GAS7: variants seen among roughly 807,000 people sequenced by gnomAD.
The protein encoded by GAS7 is growth arrest specific 7.
In GAS7, 28 loss-of-function variants were observed where a neutral mutation model predicts 71.1. The ratio of observed to expected loss-of-function variants is 0.39; its 90% confidence interval spans 0.29 to 0.54. The LOEUF (loss-of-function observed/expected upper bound fraction) is 0.54. Among genes scored for constraint, GAS7 ranks in the 20% least tolerant of loss-of-function variants. The pLI, the probability that GAS7 is intolerant of heterozygous loss-of-function variation, is 0.62. For synonymous variants in GAS7, 258 were observed against 245.8 expected (o/e 1.05, Z -0.46); for missense variants, 436 against 627.8 (o/e 0.69, Z 3.27).
chr17:9,998,945 G>A (rs1364872786), intron 2 of GAS7, among the ~76,000 whole-genome samples: 1 of 152,146 alleles, frequency 6.6e-6, no homozygotes, highest in Non-Finnish European at 1.5e-5. Flanking sequence ...GCAAACACAG[G>A]CCCAGAGGCC....
chr17:10,005,011 C>A (rs550662653), intron 2 of GAS7, among the ~76,000 whole-genome samples: 102 of 138,526 alleles, frequency 7.4e-4, no homozygotes, highest in Admixed American at 1.5e-3. Context: ...CTTCATCTCT[C>A]TCTCTCGCTC....
At chr17:10,172,400 A>G (rs978286214) in intron 1 of GAS7, among the ~76,000 whole-genome samples, 1 of 152,242 alleles carries the variant, frequency 6.6e-6, no homozygotes, top group Non-Finnish European at 1.5e-5. Context: ...AGCACTGTGC[A>G]TAACACTCTG....
At chr17:9,971,104 G>A (rs761890570) in intron 3 of GAS7, among the ~76,000 whole-genome samples, 1 of 152,152 alleles carries the variant, frequency 6.6e-6, no homozygotes, top group African/African-American at 2.4e-5. Context: ...TTAAAAAAGG[G>A]AAGGATGAAA....
intron 1 of GAS7, among the ~76,000 whole-genome samples, chr17:10,192,053 A>G (rs938885232): frequency 2.6e-5 from 4 of 152,144 alleles, no homozygotes; most frequent in African/African-American, 9.7e-5. Context: ...AGAAAACGTG[A>G]AGAAAGGAGG....
intron 1 of GAS7, among the ~76,000 whole-genome samples, chr17:10,151,127 C>G (rs2074162770): frequency 6.6e-6 from 1 of 152,172 alleles, no homozygotes; most frequent in Admixed American, 6.5e-5. Flanking sequence ...CTGGACCTGA[C>G]TTAAAAGCAT....
intron 8 of GAS7, among the ~76,000 whole-genome samples, chr17:9,936,737 C>A (rs113559792): frequency 6.6e-6 from 1 of 152,198 alleles, no homozygotes; most frequent in African/African-American, 2.4e-5. Context: ...TGAGGTGCAT[C>A]TCTGTTCCAA....
chr17:10,065,249 C>G lies in GAS7; in HGVS notation c.184-45352G>C, dbSNP rs138875793. On this transcript the variant is annotated intron_variant, in intron 1 of 13. Coordinates refer to ENST00000432992, the MANE Select transcript of GAS7 (RefSeq NM_201433.2). ...TTAGAGATTTGGTTCCTTTCTTGAGCCTGCACTTGTGGGTAAGCTTCTCTT... is the reference window on the plus strand; with the variant it reads ...TTAGAGATTTGGTTCCTTTCTTGAGGCTGCACTTGTGGGTAAGCTTCTCTT... Among the ~76,000 whole-genome samples the G allele has an allele frequency of 1.1e-4, 16 of 152,330 alleles. 1 individual carries two copies. The highest frequency in any genetic ancestry group is 3.6e-4 in the African/African-American group (15 of 41,570).
intron 1 of GAS7, among the ~76,000 whole-genome samples, chr17:10,121,551 T>C (rs539209840): frequency 1.3e-5 from 2 of 152,220 alleles, no homozygotes; most frequent in South Asian, 2.1e-4. Flanking sequence ...TACAGGTCTA[T>C]TGTGAGGATT....
chr17:10,112,627 C>T (rs1231256594), intron 1 of GAS7, among the ~76,000 whole-genome samples: 1 of 151,938 alleles, frequency 6.6e-6, no homozygotes, highest in Non-Finnish European at 1.5e-5. Context: ...CCCAGCTACT[C>T]AGGAGGCTGA....
chr17:9,919,413 T>C lies in GAS7; in HGVS notation c.1218+213A>G, dbSNP rs2067712112. 3.3e-5 allele frequency among the ~76,000 whole-genome samples: 5 copies of C among 152,102 alleles called. No individual in the cohort carries two copies. Among genetic ancestry groups the C allele is most frequent in the Admixed American group, 3.3e-4 (5 of 15,268 alleles). ...GATGTAGCCATATCCAACCCAACCC[T>C]GCCCACATCCACACAGCTAGGAAGC... On this transcript the variant is annotated intron_variant, in intron 12 of 13. Transcript: ENST00000432992. This position sits in a 1 kb window ranked among gnomAD's most constrained non-coding sequence, Gnocchi z 5.0.
rs77078144 is a variant in GAS7, at chr17:10,087,078, C to G, written c.184-67181G>C. 4.5e-4 allele frequency among the ~76,000 whole-genome samples: 68 copies of G among 152,292 alleles called. 1 individual carries two copies. The East Asian group carries it at 8.5e-3, about 19-fold the overall frequency. ...CAGGGTCTGTGAAAACATGTGGTTCCCACTTAATTCCTTGGAAGGTGGTAA... is the reference window on the plus strand; with the variant it reads ...CAGGGTCTGTGAAAACATGTGGTTCGCACTTAATTCCTTGGAAGGTGGTAA... On this transcript the variant is annotated intron_variant, in intron 1 of 13. Transcript: ENST00000432992.
intron 2 of GAS7, among the ~76,000 whole-genome samples, chr17:10,000,087 G>C (rs1450046495): frequency 6.6e-6 from 1 of 152,204 alleles, no homozygotes; most frequent in Non-Finnish European, 1.5e-5. Context: ...CTGTTTCATA[G>C]ACTTGGTCTG....
At chr17:9,943,260 G>T in intron 6 of GAS7, 24 bp from the exon 7 acceptor site, 2 of 1,341,776 alleles carry the variant, frequency 1.5e-6, no homozygotes, top group Non-Finnish European at 2.1e-6. Context: ...AGAAGCACAA[G>T]AGTTTAGGGC....
At chr17:9,983,677 C>T (rs1274973350) in intron 2 of GAS7, among the ~76,000 whole-genome samples, 1 of 151,936 alleles carries the variant, frequency 6.6e-6, no homozygotes, top group East Asian at 1.9e-4. Context: ...AATCCAGCTA[C>T]TCAGGAGGCT....
intron 1 of GAS7, among the ~76,000 whole-genome samples, chr17:10,161,690 C>T (rs2074257102): frequency 6.6e-6 from 1 of 152,148 alleles, no homozygotes; most frequent in Admixed American, 6.6e-5. Context: ...TCAAATATGC[C>T]CTCCAGCCCA....
intron 1 of GAS7, among the ~76,000 whole-genome samples, chr17:10,085,482 G>A (rs2073507419): frequency 6.6e-6 from 1 of 152,074 alleles, no homozygotes; most frequent in Non-Finnish European, 1.5e-5. Flanking sequence ...AGGAGACTGA[G>A]ACCATCCTGG....
intron 1 of GAS7, among the ~76,000 whole-genome samples, chr17:10,053,173 T>C (rs1268954359): frequency 6.6e-6 from 1 of 152,136 alleles, no homozygotes; most frequent in African/African-American, 2.4e-5. Context: ...AGGAGGAGTC[T>C]GGGCTACTTA....
At chr17:10,192,136 C>T (rs7225158) in intron 1 of GAS7, among the ~76,000 whole-genome samples, 38,134 of 152,096 alleles carry the variant, frequency 0.25, 6,294 homozygotes, top group East Asian at 0.49. Context: ...ACTTTCACAA[C>T]GTCACAACAT....
At chr17:10,068,833 T>G (rs2073310209) in intron 1 of GAS7, among the ~76,000 whole-genome samples, 1 of 152,038 alleles carries the variant, frequency 6.6e-6, no homozygotes, top group Non-Finnish European at 1.5e-5. Flanking sequence ...ACACAGAACC[T>G]GGGACAAGGT....
Sources: gnomAD v4.1 joint callset for allele counts (sites outside exome capture counted in the v4.1 genomes callset) on GRCh38, gnomAD v4.1.1 for gene constraint, Gnocchi (gnomAD v3.1) non-coding constraint, MANE v1.5 for transcripts, NCBI Gene and HGNC (gene_info 2026-07-23, HGNC 2026-07-21) for gene names.